The following CDKL2 variants were observed in gnomAD, a reference collection of about 807,000 sequenced individuals.
CDKL2 encodes the protein cyclin dependent kinase like 2.
Under a neutral mutation model 63.9 loss-of-function variants are expected in CDKL2, and 64 were observed. That is an observed-to-expected ratio of 1.00 (90% CI 0.82 to 1.23). The LOEUF is 1.23. CDKL2 is among the 50% of genes most tolerant of loss of function. The pLI, the probability that CDKL2 is intolerant of heterozygous loss-of-function variation, is 0.00. For synonymous variants in CDKL2, 211 were observed against 229.2 expected, an observed-to-expected ratio of 0.92 and a Z score of 0.72; for missense variants, 656 against 668.0, an observed-to-expected ratio of 0.98 and a Z score of 0.20.
At chr4:75,603,332 G>GT (rs1729281682) in intron 6 of CDKL2, among the ~76,000 whole-genome samples, 1 of 151,814 alleles carries the variant, frequency 6.6e-6, no homozygotes, top group Admixed American at 6.6e-5. Flanking sequence ...GTTAAAACAG[G>GT]TAAAATTTTC....
intron 1 of CDKL2, among the ~76,000 whole-genome samples, chr4:75,629,714 C>G (rs563505755): frequency 2.0e-4 from 30 of 151,944 alleles, no homozygotes; most frequent in Admixed American, 1.7e-3. Flanking sequence ...CCGAGGCGGG[C>G]GGATCACCTG....
chr4:75,607,713 C>G (rs1266493627), intron 3 of CDKL2, among the ~76,000 whole-genome samples: 1 of 151,946 alleles, frequency 6.6e-6, no homozygotes, highest in Non-Finnish European at 1.5e-5. Context: ...GTCTTTAATA[C>G]TAAGTATGAC....
At chr4:75,610,847 A>G (rs1478771441) in intron 3 of CDKL2, among the ~76,000 whole-genome samples, 1 of 152,148 alleles carries the variant, frequency 6.6e-6, no homozygotes, top group Non-Finnish European at 1.5e-5. Context: ...GTATGTATGT[A>G]TATATCTGTG....
In CDKL2 at chr4:75,614,447, T is replaced by C. The variant is rs1457845032; in HGVS notation, c.171A>G (p.Gln57=). Residue 57 remains glutamine, a splice_region_variant and synonymous_variant, in exon 3 of 14, where the codon CAA becomes CAG. Coordinates refer to ENST00000307465, the MANE Select transcript of CDKL2 (RefSeq NM_001330724.2). ...IAMREIKLLK[Q]LRHENLVNLL... Reference sequence around the variant, plus strand: ...GATTCACCAAGTTTTCATGCCTAAGTTGCTGTTATTAAAAAATGCAAAATA... The same window carrying C: ...GATTCACCAAGTTTTCATGCCTAAGCTGCTGTTATTAAAAAATGCAAAATA... 1.3e-6 allele frequency: 2 copies of C among 1,541,166 alleles called. No homozygotes were observed. Among genetic ancestry groups the C allele is most frequent in the East Asian group, 2.3e-5 (1 of 43,856 alleles).
Position 75,577,089 on chromosome 4 carries a change from T to C in CDKL2, c.*2113A>G, listed in dbSNP as rs1177300780. Reference sequence around the variant, plus strand: ...TTATAGCCTCTTAATTAAATAAATCTAAATTTAAACCATCTATGGAGCCCA... The same window carrying C: ...TTATAGCCTCTTAATTAAATAAATCCAAATTTAAACCATCTATGGAGCCCA... On this transcript the variant is annotated 3_prime_UTR_variant, in exon 14 of 14. Coordinates refer to ENST00000307465, the MANE Select transcript of CDKL2 (RefSeq NM_001330724.2). 1.3e-5 allele frequency among the ~76,000 whole-genome samples: 2 copies of C among 152,218 alleles called. No homozygotes were observed. The highest frequency in any genetic ancestry group is 4.8e-5 in the African/African-American group (2 of 41,470).
At chr4:75,584,247 G>A (rs1488974139) in intron 12 of CDKL2, among the ~76,000 whole-genome samples, 1 of 152,204 alleles carries the variant, frequency 6.6e-6, no homozygotes, top group Non-Finnish European at 1.5e-5. Flanking sequence ...TCAAGTGTAA[G>A]AGAGATTTGA....
At chr4:75,597,646 T>A (rs1251973784) in intron 8 of CDKL2, among the ~76,000 whole-genome samples, 1 of 152,238 alleles carries the variant, frequency 6.6e-6, no homozygotes, top group Admixed American at 6.5e-5. Context: ...CAAGAACAGA[T>A]CCTGGGTAGT....
At chr4:75,596,013 G>A (rs866899974) in intron 10 of CDKL2, 2 of 111,816 alleles carry the variant, frequency 1.8e-5, no homozygotes, top group South Asian at 1.1e-4. Context: ...AGGAAGGAAG[G>A]AAGGAAGGAA....
rs1578306612 is a variant in CDKL2, at chr4:75,578,354, T to C, written c.*848A>G. The C allele has an allele frequency of 1.3e-5, 2 of 152,288 alleles. No individual in the cohort carries two copies. The highest frequency in any genetic ancestry group is 4.8e-5 in the African/African-American group (2 of 41,548). 9.4% of individuals were successfully genotyped at this position (152,288 alleles called of 1,614,324 possible). A position where few individuals can be genotyped will look rare whatever the true frequency, so the allele number is the denominator to read the frequency against. ...AGCTGGGTAGTTCAATAGCAATTGG[T>C]CCACAGAAGAGTAATCAGTCCTGAT... is the stretch of plus-strand genomic sequence containing the variant. On this transcript the variant is annotated 3_prime_UTR_variant, in exon 14 of 14. Transcript: ENST00000307465.
intron 12 of CDKL2, among the ~76,000 whole-genome samples, chr4:75,589,430 A>G (rs62320980): frequency 0.4 from 59,560 of 147,460 alleles, 12,622 homozygotes; most frequent in African/African-American, 0.51. Context: ...TCAGCCTCCC[A>G]AGTAGCTGGG....
chr4:75,600,458 T>A lies in CDKL2; in HGVS notation c.796-89A>T. 3 of 862,628 alleles carry A rather than the reference T, an allele frequency of 3.5e-6. No individual in the cohort carries two copies. The East Asian group carries it at 8.6e-5, about 25-fold the overall frequency. 53.4% of individuals were successfully genotyped at this position (862,628 alleles called of 1,614,324 possible). A position where few individuals can be genotyped will look rare whatever the true frequency, so the allele number is the denominator to read the frequency against. Reference sequence around the variant, plus strand: ...TATAGAAAAAAAATCCTCTTTATAGTCAACGATTTTTTTTTTTAAGACAGG... The same window carrying A: ...TATAGAAAAAAAATCCTCTTTATAGACAACGATTTTTTTTTTTAAGACAGG... On this transcript the variant is annotated intron_variant, in intron 6 of 13. Coordinates refer to ENST00000307465, the MANE Select transcript of CDKL2 (RefSeq NM_001330724.2).
chr4:75,592,210 T>C lies in CDKL2; in HGVS notation c.1476A>G (p.Thr492=). The C allele has an allele frequency of 6.5e-7, 1 of 1,535,114 alleles. No individual in the cohort carries two copies. ...ASKKRREYSR[T]DVRLPELNYN... is the part of the protein sequence containing the mutation. ...AGTTTAGTTCAGGCAAACGGACATC[T>C]GTCCTGGAGTATTCTCTTCTTTTCT... Residue 492 remains threonine, a synonymous_variant, in exon 11 of 14, where the codon ACA becomes ACG. Transcript: ENST00000307465.
rs897140650 is a variant in CDKL2, at chr4:75,577,837, C to T, written c.*1365G>A. 7.9e-5 allele frequency among the ~76,000 whole-genome samples: 12 copies of T among 152,064 alleles called. No individual in the cohort carries two copies. The highest frequency in any genetic ancestry group is 2.9e-4 in the African/African-American group (12 of 41,412). ...TACATTGAAACCCCTTATTTGCCTC[C>T]TCTTGAATGTCCTACTCTTTTGAGG... On this transcript the variant is annotated 3_prime_UTR_variant, in exon 14 of 14. Coordinates refer to ENST00000307465, the MANE Select transcript of CDKL2 (RefSeq NM_001330724.2).
chr4:75,579,485 C>T (rs1481566719), intron 13 of CDKL2, among the ~76,000 whole-genome samples: 1 of 152,100 alleles, frequency 6.6e-6, no homozygotes, highest in Admixed American at 6.5e-5. Flanking sequence ...ACCAGCCTGA[C>T]CAACATGGAG....
intron 3 of CDKL2, among the ~76,000 whole-genome samples, chr4:75,608,925 T>C (rs1361016033): frequency 6.8e-6 from 1 of 146,080 alleles, no homozygotes; most frequent in Non-Finnish European, 1.5e-5. Context: ...ACCCAGGAGG[T>C]GGAGGTTGCA....
intron 3 of CDKL2, among the ~76,000 whole-genome samples, chr4:75,613,691 G>A (rs1347276891): frequency 3.9e-5 from 6 of 152,128 alleles, no homozygotes; most frequent in Admixed American, 3.9e-4. Context: ...AGACCCTTGG[G>A]TCTATACATT....
At chr4:75,614,494 A>G in intron 2 of CDKL2, 45 bp from the exon 3 acceptor site, 1 of 1,205,370 alleles carries the variant, frequency 8.3e-7, no homozygotes, top group Non-Finnish European at 1.2e-6. Flanking sequence ...AAAATGCAAA[A>G]TAGTTTATAT....
chr4:75,603,759 AAG>A lies in CDKL2; in HGVS notation c.795+56_795+57del. The stretch of plus-strand genomic sequence containing the variant: ...ACTAGACAAGTAAAAAAAAAAAAAA[AAG>A]GTCTTGATAGTGCATAAATTCCCTG... On this transcript the variant is annotated intron_variant, in intron 6 of 13. Coordinates refer to ENST00000307465, the MANE Select transcript of CDKL2 (RefSeq NM_001330724.2). 11 of 1,224,662 alleles carry A rather than the reference AAG, an allele frequency of 9.0e-6. No homozygotes were observed. The East Asian group carries it at 1.6e-4, about 18-fold the overall frequency. 75.9% of individuals were successfully genotyped at this position (1,224,662 alleles called of 1,614,324 possible). A position where few individuals can be genotyped will look rare whatever the true frequency, so the allele number is the denominator to read the frequency against.
At chr4:75,600,457 G>A in intron 6 of CDKL2, 88 bp from the exon 7 acceptor site, 3 of 875,034 alleles carry the variant, frequency 3.4e-6, no homozygotes, top group Non-Finnish European at 5.3e-6. Context: ...CCTCTTTATA[G>A]TCAACGATTT....
Sources: allele counts gnomAD v4.1 joint callset (sites outside exome capture counted in the v4.1 genomes callset), GRCh38; gene constraint gnomAD v4.1.1; transcripts MANE v1.5; gene names NCBI Gene and HGNC (gene_info 2026-07-23, HGNC 2026-07-21).